The following PRDM16 variants were observed in gnomAD, a reference collection of about 807,000 sequenced individuals.
PRDM16 encodes PR/SET domain 16.
Under a neutral mutation model 110.6 loss-of-function variants are expected in PRDM16, and 23 were observed. That is an observed-to-expected ratio of 0.21 (90% CI 0.15 to 0.29). The LOEUF is 0.29. PRDM16 is among the 10% of genes least tolerant of loss of function. PRDM16 has a pLI of 1.00. For synonymous variants in PRDM16, 799 were observed against 781.8 expected (o/e 1.02, Z -0.37); for missense variants, 1,615 against 1,794.3 (o/e 0.90, Z 1.81).
chr1:3,340,291 C>T (rs72849607), intron 3 of PRDM16, among the ~76,000 whole-genome samples: 168 of 152,168 alleles, frequency 1.1e-3, no homozygotes, highest in African/African-American at 3.8e-3. Context: ...CATTGCCCCT[C>T]GGAGGGAGGT....
chr1:3,362,455 G>A (rs1245785247), intron 3 of PRDM16, among the ~76,000 whole-genome samples: 1 of 152,162 alleles, frequency 6.6e-6, no homozygotes, highest in East Asian at 1.9e-4. Context: ...AGGTGCCCGG[G>A]AGTGGGGCAG....
chr1:3,320,210 T>G (rs1641707583), intron 3 of PRDM16, among the ~76,000 whole-genome samples: 1 of 152,244 alleles, frequency 6.6e-6, no homozygotes, highest in African/African-American at 2.4e-5. Flanking sequence ...CACAGTGGGC[T>G]GTGACAGGAA....
chr1:3,092,185 G>A (rs1165027185), intron 1 of PRDM16, among the ~76,000 whole-genome samples: 3 of 152,152 alleles, frequency 2.0e-5, no homozygotes, highest in Non-Finnish European at 2.9e-5. Context: ...CTGTGCCTGG[G>A]GCCCCAGGTG....
intron 3 of PRDM16, among the ~76,000 whole-genome samples, chr1:3,336,130 T>A (rs1290301427): frequency 6.6e-6 from 1 of 152,206 alleles, no homozygotes; most frequent in African/African-American, 2.4e-5. Flanking sequence ...GGGGTCTGAC[T>A]GCTAGGCCCA....
chr1:3,393,597 G>A (rs1381693060), intron 4 of PRDM16, among the ~76,000 whole-genome samples: 1 of 152,236 alleles, frequency 6.6e-6, no homozygotes, highest in Non-Finnish European at 1.5e-5. Flanking sequence ...CAGACGCCCG[G>A]TTCCCACCGC....
intron 1 of PRDM16, among the ~76,000 whole-genome samples, chr1:3,136,360 C>T (rs1643438508): frequency 6.6e-6 from 1 of 152,222 alleles, no homozygotes. Flanking sequence ...GTCCATTTTA[C>T]AGACGAGGCA....
chr1:3,297,307 A>G (rs947848588), intron 3 of PRDM16, among the ~76,000 whole-genome samples: 51 of 140,896 alleles, frequency 3.6e-4, no homozygotes, highest in African/African-American at 1.4e-3. Flanking sequence ...TTTTTTTGAC[A>G]GAATCTCGCT....
At chr1:3,314,404 A>G (rs543592896) in intron 3 of PRDM16, among the ~76,000 whole-genome samples, 1 of 152,214 alleles carries the variant, frequency 6.6e-6, no homozygotes, top group South Asian at 2.1e-4. Flanking sequence ...TGTGTAGCTA[A>G]TGAGGTAGCA....
intron 3 of PRDM16, among the ~76,000 whole-genome samples, chr1:3,344,271 G>A (rs548218390): frequency 3.9e-5 from 6 of 152,142 alleles, no homozygotes; most frequent in Admixed American, 1.3e-4. Context: ...CCAGGATCAC[G>A]TCACTGCCCT....
At chr1:3,221,280 C>T (rs978182061) in intron 2 of PRDM16, among the ~76,000 whole-genome samples, 8 of 152,248 alleles carry the variant, frequency 5.3e-5, no homozygotes, top group African/African-American at 1.7e-4. Flanking sequence ...CTGGGCCTCC[C>T]GGTTCCAGCG....
intron 2 of PRDM16, among the ~76,000 whole-genome samples, chr1:3,204,808 G>A (rs1411567533): frequency 1.3e-5 from 2 of 152,178 alleles, no homozygotes; most frequent in African/African-American, 2.4e-5. Context: ...ATTCAAAAAC[G>A]AAATGGTTAA....
At chr1:3,367,960 CTT>C (rs541516037) in intron 3 of PRDM16, among the ~76,000 whole-genome samples, 59 of 152,300 alleles carry the variant, frequency 3.9e-4, no homozygotes, top group African/African-American at 1.4e-3. Context: ...ACAAAAGCAA[CTT>C]AACGTAAAAG....
intron 3 of PRDM16, among the ~76,000 whole-genome samples, chr1:3,329,392 G>A (rs536352498): frequency 4.3e-4 from 65 of 150,562 alleles, no homozygotes; most frequent in African/African-American, 1.4e-3. Flanking sequence ...ACTGTGTCTC[G>A]CTATCCAGTT....
chr1:3,347,138 G>A (rs544849376), intron 3 of PRDM16, among the ~76,000 whole-genome samples: 2 of 152,310 alleles, frequency 1.3e-5, no homozygotes, highest in East Asian at 1.9e-4. Context: ...GTACAGCCCC[G>A]GGAGTGTGAG....
At chr1:3,399,594 G>T (rs559524529) in intron 5 of PRDM16, among the ~76,000 whole-genome samples, 1 of 152,176 alleles carries the variant, frequency 6.6e-6, no homozygotes, top group Admixed American at 6.5e-5. Context: ...GAGCAGCAGG[G>T]CAGGGATGGT....
At chr1:3,260,620 A>AT (rs1456313554) in intron 3 of PRDM16, among the ~76,000 whole-genome samples, 7 of 149,224 alleles carry the variant, frequency 4.7e-5, no homozygotes, top group East Asian at 4.0e-4. Flanking sequence ...GATGAAGATG[A>AT]TGGTGACCAT....
intron 3 of PRDM16, among the ~76,000 whole-genome samples, chr1:3,357,142 C>T (rs1642620420): frequency 6.6e-6 from 1 of 152,110 alleles, no homozygotes; most frequent in African/African-American, 2.4e-5. Context: ...GGCCCTGTCT[C>T]TGCTGTCTGG....
chr1:3,355,014 G>C (rs533760803), intron 3 of PRDM16, among the ~76,000 whole-genome samples: 1 of 152,284 alleles, frequency 6.6e-6, no homozygotes, highest in South Asian at 2.1e-4. Context: ...AGAGTGCTCT[G>C]TGGCTGAGCA....
chr1:3,116,394 C>T (rs894285777), intron 1 of PRDM16, among the ~76,000 whole-genome samples: 1 of 152,166 alleles, frequency 6.6e-6, no homozygotes, highest in Non-Finnish European at 1.5e-5. Flanking sequence ...CACGGGTGGC[C>T]TGGAGACGTG....
Sources: allele counts gnomAD v4.1 joint callset (sites outside exome capture counted in the v4.1 genomes callset), GRCh38; gene constraint gnomAD v4.1.1; transcripts MANE v1.5; gene names NCBI Gene and HGNC (gene_info 2026-07-23, HGNC 2026-07-21).